Variants in DAZL observed in about 807,000 individuals in gnomAD.
DAZL encodes the protein deleted in azoospermia like, also known as deleted in azoospermia-like.
Under a neutral mutation model 45.0 loss-of-function variants are expected in DAZL, and 4 were observed. That is an observed-to-expected ratio of 0.09 (90% CI 0.04 to 0.20). DAZL has a LOEUF of 0.20. Among genes scored for constraint, DAZL ranks in the 10% least tolerant of loss-of-function variants. DAZL has a pLI of 1.00. For synonymous variants in DAZL, 122 were observed against 112.4 expected, an observed-to-expected ratio of 1.09 and a Z score of -0.54; for missense variants, 326 against 351.3, an observed-to-expected ratio of 0.93 and a Z score of 0.58.
Position 16,605,311 on chromosome 3 carries a change from G to T in DAZL, c.-106C>A, listed in dbSNP as rs1030053729. The stretch of plus-strand genomic sequence containing the variant: ...GAGGTCCGCTGGAACCCGCTGCGCG[G>T]CTTCGAGTGGTCAAAGGAGCCAAAG... On this transcript the variant is annotated 5_prime_UTR_variant, in exon 1 of 11. Transcript: ENST00000399444. The T allele has an allele frequency of 5.8e-6, 8 of 1,388,992 alleles. No individual in the cohort carries two copies. In the Admixed American group the frequency reaches 6.7e-5, roughly 12 times the overall value. 86.0% of individuals were successfully genotyped at this position (1,388,992 alleles called of 1,614,324 possible).
In DAZL at chr3:16,593,693, G is replaced by A; in HGVS notation, c.697C>T (p.His233Tyr). The A allele has an allele frequency of 1.2e-6, 2 of 1,612,476 alleles. No homozygotes were observed. Among genetic ancestry groups the A allele is most frequent in the Non-Finnish European group, 1.7e-6 (2 of 1,179,064 alleles). ...AEVVPNECSV[H>Y]EATPPSGNGP... Reference sequence around the variant, plus strand: ...TTTCCAGAGGGTGGAGTAGCTTCATGAACTGAACATTCATTTGGCACAACT... The same window carrying A: ...TTTCCAGAGGGTGGAGTAGCTTCATAAACTGAACATTCATTTGGCACAACT... Residue 233 changes from histidine to tyrosine, a missense_variant, in exon 9 of 11, where the codon CAT becomes TAT. Around this residue, in one of 3 missense-constraint regions of DAZL, gnomAD observed 227 missense variants for 216.6 expected, o/e 1.05. Transcript: ENST00000399444.
chr3:16,598,653 A>C (rs1384015912), intron 1 of DAZL, 55 bp from the exon 2 acceptor site: 33 of 1,516,402 alleles, frequency 2.2e-5, no homozygotes, highest in Non-Finnish European at 2.7e-5. Flanking sequence ...ACCTATACAT[A>C]ATGTGAAATA....
At chr3:16,591,940 A>G in intron 10 of DAZL, 110 bp downstream of exon 10, 2 of 1,279,238 alleles carry the variant, frequency 1.6e-6, no homozygotes, top group African/African-American at 1.5e-5. Context: ...AAATGCCAAC[A>G]GTTAATTAAA....
At chr3:16,599,356 A>G (rs1694648804) in intron 1 of DAZL, among the ~76,000 whole-genome samples, 1 of 152,202 alleles carries the variant, frequency 6.6e-6, no homozygotes, top group Non-Finnish European at 1.5e-5. Flanking sequence ...TAAGCCTCAA[A>G]GTTTTAAACC....
At chr3:16,591,081 T>C (rs1449487798) in intron 10 of DAZL, among the ~76,000 whole-genome samples, 1 of 152,204 alleles carries the variant, frequency 6.6e-6, no homozygotes, top group African/African-American at 2.4e-5. Context: ...ACCGTAATAT[T>C]TCTCTCCCAT....
chr3:16,598,706 T>C (rs1694637823), intron 1 of DAZL, 108 bp from the exon 2 acceptor site: 1 of 1,215,942 alleles, frequency 8.2e-7, no homozygotes. Context: ...TATAAATTAC[T>C]TTCATTCTAA....
intron 1 of DAZL, among the ~76,000 whole-genome samples, chr3:16,602,105 T>C (rs182800109): frequency 1.3e-5 from 2 of 151,168 alleles, no homozygotes; most frequent in Admixed American, 6.6e-5. Flanking sequence ...AATCCAAGAG[T>C]AGATTCTTGG....
intron 1 of DAZL, among the ~76,000 whole-genome samples, chr3:16,602,567 T>C (rs1052493559): frequency 1.3e-5 from 2 of 152,140 alleles, no homozygotes; most frequent in African/African-American, 4.8e-5. Context: ...TAACAGCATA[T>C]AAGTAACAAA....
chr3:16,598,624 A>G (rs1343834959), intron 1 of DAZL, 26 bp from the exon 2 acceptor site: 1 of 1,584,036 alleles, frequency 6.3e-7, no homozygotes, highest in Non-Finnish European at 8.5e-7. Context: ...TAGACATCAT[A>G]ATTAGATACA....
At chr3:16,604,833 T>C (rs1439822644) in intron 1 of DAZL, 1 of 500,126 alleles carries the variant, frequency 2.0e-6, no homozygotes, top group African/African-American at 2.8e-5. Flanking sequence ...CGCGTGGGAG[T>C]GGGGGCGGGG....
chr3:16,605,306 G>A lies in DAZL; in HGVS notation c.-101C>T. 1 of 1,441,152 alleles carries A rather than the reference G, an allele frequency of 6.9e-7. No homozygotes were observed. The highest frequency in any genetic ancestry group is 9.8e-7 in the Non-Finnish European group (1 of 1,022,426). 89.3% of individuals were successfully genotyped at this position (1,441,152 alleles called of 1,614,324 possible). A position where few individuals can be genotyped will look rare whatever the true frequency, so the allele number is the denominator to read the frequency against. On this transcript the variant is annotated 5_prime_UTR_variant, in exon 1 of 11. Coordinates refer to ENST00000399444, the MANE Select transcript of DAZL (RefSeq NM_001351.4). The stretch of plus-strand genomic sequence containing the variant: ...GCTGTGAGGTCCGCTGGAACCCGCT[G>A]CGCGGCTTCGAGTGGTCAAAGGAGC...
In DAZL at chr3:16,593,659, T is replaced by C. The variant is rs780490003; in HGVS notation, c.731A>G (p.Gln244Arg). The C allele has an allele frequency of 1.9e-6, 3 of 1,599,766 alleles. No individual in the cohort carries two copies. Among genetic ancestry groups the C allele is most frequent in the East Asian group, 2.2e-5 (1 of 44,592 alleles). The change falls in exon 9 of 11, where the codon CAA (glutamine) becomes CGA (arginine). Residue 244 changes from glutamine to arginine, a missense_variant. Gln to Arg is a conservative substitution (Grantham distance 43, BLOSUM62 1). Transcript: ENST00000399444. ...EATPPSGNGP[Q>R]KKSVDRSIQT... ...TAAACAAAATTAGATGTTTGCCTTTTGTGGGCCATTTCCAGAGGGTGGAGT... is the reference window on the plus strand; with the variant it reads ...TAAACAAAATTAGATGTTTGCCTTTCGTGGGCCATTTCCAGAGGGTGGAGT...
intron 8 of DAZL, 127 bp from the exon 9 acceptor site, chr3:16,593,895 T>G: frequency 1.6e-6 from 1 of 619,680 alleles, no homozygotes; most frequent in Non-Finnish European, 2.8e-6. Flanking sequence ...TCAATTATAT[T>G]ATTTCAAAAA....
chr3:16,591,433 A>ATTTTT (rs200206679), intron 10 of DAZL, among the ~76,000 whole-genome samples: 5 of 143,814 alleles, frequency 3.5e-5, no homozygotes, highest in South Asian at 4.4e-4. Flanking sequence ...ATATGCATGT[A>ATTTTT]TTTTTTTTTT....
intron 6 of DAZL, among the ~76,000 whole-genome samples, chr3:16,595,654 T>C (rs1405888732): frequency 6.6e-6 from 1 of 152,026 alleles, no homozygotes; most frequent in Non-Finnish European, 1.5e-5. Context: ...TGTGTACTTA[T>C]TCCCACCCAG....
At chr3:16,589,414 T>C (rs2125043039) in intron 10 of DAZL, among the ~76,000 whole-genome samples, 1 of 152,220 alleles carries the variant, frequency 6.6e-6, no homozygotes, top group Non-Finnish European at 1.5e-5. Flanking sequence ...GTCATATAAA[T>C]AAAAGTGGCT....
chr3:16,604,686 C>CT, intron 1 of DAZL: 1 of 1,358,332 alleles, frequency 7.4e-7, no homozygotes, highest in South Asian at 2.1e-5. Context: ...CTCCGGCCCT[C>CT]GAAGTTTAAG....
At chr3:16,589,883 G>C (rs978718073) in intron 10 of DAZL, among the ~76,000 whole-genome samples, 8 of 148,330 alleles carry the variant, frequency 5.4e-5, no homozygotes, top group Admixed American at 1.4e-4. Context: ...GGGCAATATA[G>C]TAAGATTCTG....
intron 9 of DAZL, among the ~76,000 whole-genome samples, chr3:16,593,066 T>C (rs1694545376): frequency 6.6e-6 from 1 of 152,210 alleles, no homozygotes; most frequent in South Asian, 2.1e-4. Context: ...CCGTAAGTAA[T>C]GTGTTTCACT....
Sources: allele counts gnomAD v4.1 joint callset (sites outside exome capture counted in the v4.1 genomes callset), GRCh38; gene constraint gnomAD v4.1.1; regional missense constraint gnomAD v4.1.1; transcripts MANE v1.5; gene names NCBI Gene and HGNC (gene_info 2026-07-23, HGNC 2026-07-21).